Variants in TBX21 observed in about 807,000 individuals in gnomAD.
The protein encoded by TBX21 is T-box transcription factor TBX21.
TBX21 carries 11 observed loss-of-function variants against 52.2 expected under a neutral mutation model. The observed-to-expected ratio is 0.21, with a 90% CI of 0.13 to 0.35. The LOEUF is 0.35. TBX21 is among the 10% of genes least tolerant of loss of function. TBX21 has a pLI of 1.00. For missense variants in TBX21, 625 were observed against 755.1 expected (o/e 0.83, Z 2.02); for synonymous variants, 300 against 316.1 (o/e 0.95, Z 0.54).
Position 47,733,776 on chromosome 17 carries a change from T to C in TBX21, c.322T>C (p.Tyr108His). 6.5e-7 allele frequency: 1 copy of C among 1,538,080 alleles called. No individual in the cohort carries two copies. Among genetic ancestry groups the C allele is most frequent in the Non-Finnish European group, 8.7e-7 (1 of 1,143,160 alleles). The change falls in exon 1 of 6, where the codon TAC becomes CAC. Residue 108 changes from tyrosine (Y) to histidine (H), a missense_variant. This residue lies in a region of TBX21 where 221 missense variants were observed against 204.9 expected (regional missense o/e 1.08). Transcript: ENST00000177694. The surrounding 1 kb of genome is among the most constrained non-coding windows in gnomAD (Gnocchi z 6.6). ...CGAGGGCTACCAGCCGGGCGAGGGCTACGCCGCCCCGGACCCGCGCGCCGG... is the reference window on the plus strand; with the variant it reads ...CGAGGGCTACCAGCCGGGCGAGGGCCACGCCGCCCCGGACCCGCGCGCCGG... ...DAEGYQPGEGYAAPDPRAGLY... is the reference protein window; with the variant it reads ...DAEGYQPGEGHAAPDPRAGLY...
Position 47,744,993 on chromosome 17 carries a change from C to T in TBX21, c.1235C>T (p.Ala412Val). The change falls in exon 6 of 6, where the codon GCC (alanine) becomes GTC (valine). Residue 412 changes from alanine to valine, a missense_variant. Physicochemically the swap from Ala to Val is moderately conservative, Grantham distance 64 (BLOSUM62 0). Around this residue, in one of 4 missense-constraint regions of TBX21, gnomAD observed 261 missense variants for 275.1 expected, o/e 0.95. Transcript: ENST00000177694. ...ATGAAGCCTGCATTCTTGCCCTCTG[C>T]CCCTGGGCCCACCATGTCCTACTAC... is the stretch of plus-strand genomic sequence containing the variant. Reference protein sequence around the residue: ...VSMKPAFLPSAPGPTMSYYRG... With the variant: ...VSMKPAFLPSVPGPTMSYYRG... 6.2e-7 allele frequency: 1 copy of T among 1,613,132 alleles called. No individual in the cohort carries two copies. Among genetic ancestry groups the T allele is most frequent in the Non-Finnish European group, 8.5e-7 (1 of 1,180,030 alleles).
In TBX21 at chr17:47,733,483, A is replaced by G; in HGVS notation, c.29A>G (p.Asp10Gly). The change falls in exon 1 of 6, where the codon GAC becomes GGC. Residue 10 changes from aspartate to glycine, a missense_variant. Around this residue, in one of 4 missense-constraint regions of TBX21, gnomAD observed 221 missense variants for 204.9 expected, o/e 1.08. Coordinates refer to ENST00000177694, the MANE Select transcript of TBX21 (RefSeq NM_013351.2). The surrounding 1 kb of genome is among the most constrained non-coding windows in gnomAD (Gnocchi z 6.6). MGIVEPGCG[D>G]MLTGTEPMPG... ...GGCATCGTGGAGCCGGGTTGCGGAG[A>G]CATGCTGACGGGCACCGAGCCGATG... is the stretch of plus-strand genomic sequence containing the variant. The G allele has an allele frequency of 6.7e-7, 1 of 1,492,854 alleles. No homozygotes were observed. The highest frequency in any genetic ancestry group is 8.9e-7 in the Non-Finnish European group (1 of 1,127,388). The allele number at this position is 1,492,854 out of a possible 1,614,324, so 92.5% of individuals were successfully genotyped here. A position where few individuals can be genotyped will look rare whatever the true frequency, so the allele number is the denominator to read the frequency against.
At chr17:47,741,912 C>G (rs546379303) in intron 1 of TBX21, among the ~76,000 whole-genome samples, 1 of 152,132 alleles carries the variant, frequency 6.6e-6, no homozygotes, top group Non-Finnish European at 1.5e-5. Context: ...TTTCAAGCGA[C>G]TCATGTGAGT....
chr17:47,742,991 C>T lies in TBX21; in HGVS notation c.647-80C>T, dbSNP rs557428416. 6.3e-7 allele frequency: 1 copy of T among 1,576,504 alleles called. No homozygotes were observed. The highest frequency in any genetic ancestry group is 1.8e-5 in the Admixed American group (1 of 55,422). On this transcript the variant is annotated intron_variant, in intron 2 of 5. Transcript: ENST00000177694. This position sits in a 1 kb window ranked among gnomAD's most constrained non-coding sequence, Gnocchi z 4.4. ...CCTCCCCCTGTGTCCTTCCTTACGT[C>T]CCTCTCGGGACAGGCAAAGCCCTAC...
chr17:47,743,181 A>G lies in TBX21; in HGVS notation c.757A>G (p.Asn253Asp). Residue 253 changes from asparagine to aspartate, a missense_variant, in exon 3 of 6, where the codon AAT (asparagine) becomes GAT (aspartate). Around this residue, in one of 4 missense-constraint regions of TBX21, gnomAD observed 142 missense variants for 258.5 expected, o/e 0.55. Transcript: ENST00000177694. ...CACAAACAACAAGGGGGCGTCCAAC[A>G]ATGTGACCCAGGTAGGACCTGCTCT... ...KLTNNKGASN[N>D]VTQMIVLQSL... 2 of 1,614,016 alleles carry G rather than the reference A, an allele frequency of 1.2e-6. No homozygotes were observed. The highest frequency in any genetic ancestry group is 2.2e-5 in the South Asian group (2 of 91,076).
rs1395196336 is a variant in TBX21 at position 47,745,525 on chromosome 17, G to C, written c.*159G>C. On this transcript the variant is annotated 3_prime_UTR_variant, in exon 6 of 6. Coordinates refer to ENST00000177694, the MANE Select transcript of TBX21 (RefSeq NM_013351.2). ...AGTGGGGCTCAAGAAGGATTTTGGG[G>C]TTCACCAGATGCTTCCTGGCCCACG... The C allele has an allele frequency of 6.7e-6, 7 of 1,049,134 alleles. No individual in the cohort carries two copies. The highest frequency in any genetic ancestry group is 9.3e-6 in the Non-Finnish European group (7 of 750,744). 65.0% of individuals were successfully genotyped at this position (1,049,134 alleles called of 1,614,324 possible). A position where few individuals can be genotyped will look rare whatever the true frequency, so the allele number is the denominator to read the frequency against.
intron 5 of TBX21, 97 bp downstream of exon 5, chr17:47,744,640 TG>T (rs2032307322): frequency 6.2e-7 from 1 of 1,604,204 alleles, no homozygotes; most frequent in Non-Finnish European, 8.5e-7. Flanking sequence ...ATGCTACAGG[TG>T]GGCAGGCCAG....
rs2032328147 is a variant in TBX21 at position 47,745,831 on chromosome 17, A to G, written c.*465A>G. The G allele has an allele frequency of 6.5e-6, 1 of 154,856 alleles. No homozygotes were observed. 9.6% of individuals were successfully genotyped at this position (154,856 alleles called of 1,614,324 possible). ...GAACAAATACACGTATGTTATAACC[A>G]TCAGCCCGCCAGGGTCAGGGAAAGG... On this transcript the variant is annotated 3_prime_UTR_variant, in exon 6 of 6. Coordinates refer to ENST00000177694, the MANE Select transcript of TBX21 (RefSeq NM_013351.2).
rs138769659 is a variant in TBX21, at chr17:47,743,269, C to T, written c.768+77C>T. 600 of 1,559,268 alleles carry T rather than the reference C, an allele frequency of 3.8e-4. 4 individuals are homozygous for T. Among genetic ancestry groups the T allele is most frequent in the Middle Eastern group, 9.2e-4 (5 of 5,418 alleles). On this transcript the variant is annotated intron_variant, in intron 3 of 5. Coordinates refer to ENST00000177694, the MANE Select transcript of TBX21 (RefSeq NM_013351.2). Reference sequence around the variant, plus strand: ...TGAGACCTCCAAGGCCACAAGGGTCCTGCGGGGCCAGTTTGGTTCATTTTT... The same window carrying T: ...TGAGACCTCCAAGGCCACAAGGGTCTTGCGGGGCCAGTTTGGTTCATTTTT...
intron 1 of TBX21, among the ~76,000 whole-genome samples, chr17:47,737,489 C>G (rs2032219218): frequency 6.6e-6 from 1 of 152,110 alleles, no homozygotes. Flanking sequence ...CCTTGCTATC[C>G]TCACAGTCAT....
rs1246296638 is a variant in TBX21 at position 47,733,752 on chromosome 17, G to A, written c.298G>A (p.Glu100Lys). The A allele has an allele frequency of 1.4e-6, 2 of 1,464,070 alleles. No homozygotes were observed. Among genetic ancestry groups the A allele is most frequent in the Non-Finnish European group, 9.0e-7 (1 of 1,112,574 alleles). 90.7% of individuals were successfully genotyped at this position (1,464,070 alleles called of 1,614,324 possible). ...GTCCTTCCCGCCGCCCGCGGACGCC[G>A]AGGGCTACCAGCCGGGCGAGGGCTA... is the stretch of plus-strand genomic sequence containing the variant. ...GESFPPPADA[E>K]GYQPGEGYAA... Residue 100 changes from glutamate to lysine, a missense_variant, in exon 1 of 6, where the codon GAG becomes AAG. Around this residue, in one of 4 missense-constraint regions of TBX21, gnomAD observed 221 missense variants for 204.9 expected, o/e 1.08. Coordinates refer to ENST00000177694, the MANE Select transcript of TBX21 (RefSeq NM_013351.2). The surrounding 1 kb of genome is among the most constrained non-coding windows in gnomAD (Gnocchi z 6.6).
intron 1 of TBX21, among the ~76,000 whole-genome samples, chr17:47,735,741 T>TC (rs1272530596): frequency 6.6e-6 from 1 of 152,190 alleles, no homozygotes; most frequent in Non-Finnish European, 1.5e-5. Context: ...CCAAGCAGTC[T>TC]CCCCATTTTA....
At position 47,745,392 on chromosome 17, in the gene TBX21, A is replaced by C. The variant is rs2032322504; in HGVS notation, c.*26A>C. The C allele has an allele frequency of 6.4e-7, 1 of 1,562,796 alleles. No homozygotes were observed. Among genetic ancestry groups the C allele is most frequent in the African/African-American group, 1.4e-5 (1 of 73,354 alleles). On this transcript the variant is annotated 3_prime_UTR_variant, in exon 6 of 6. Coordinates refer to ENST00000177694, the MANE Select transcript of TBX21 (RefSeq NM_013351.2). ...GCAGATGACATGATGAAAGGAACAG[A>C]AACAGTGTTATTAGGTTGGAGGACA...
chr17:47,742,553 G>A lies in TBX21; in HGVS notation c.492-57G>A, dbSNP rs2032278385. 3 of 1,523,204 alleles carry A rather than the reference G, an allele frequency of 2.0e-6. No homozygotes were observed. Among genetic ancestry groups the A allele is most frequent in the Non-Finnish European group, 2.7e-6 (3 of 1,130,480 alleles). The allele number at this position is 1,523,204 out of a possible 1,614,324, so 94.4% of individuals were successfully genotyped here. A position where few individuals can be genotyped will look rare whatever the true frequency, so the allele number is the denominator to read the frequency against. On this transcript the variant is annotated intron_variant, in intron 1 of 5. Transcript: ENST00000177694. This position sits in a 1 kb window ranked among gnomAD's most constrained non-coding sequence, Gnocchi z 4.4. ...TGATGCCTGGGCACTGTTGCAGGGG[G>A]GACTGGCTGTCAAGCTGGAGCTGAT...
At chr17:47,744,385 G>T in intron 4 of TBX21, 32 bp downstream of exon 4, 1 of 1,614,070 alleles carries the variant, frequency 6.2e-7, no homozygotes, top group Non-Finnish European at 8.5e-7. Context: ...GTGGGGAGGA[G>T]GGCAGAGTGG....
At position 47,743,142 on chromosome 17, in the gene TBX21, G is replaced by A. The variant is rs751581685; in HGVS notation, c.718G>A (p.Gly240Arg). Residue 240 changes from glycine to arginine, a missense_variant, in exon 3 of 6, where the codon GGG (glycine) becomes AGG (arginine). Around this residue, in one of 4 missense-constraint regions of TBX21, gnomAD observed 142 missense variants for 258.5 expected, o/e 0.55. Transcript: ENST00000177694. ...AHWMRQEVSF[G>R]KLKLTNNKGA... is the part of the protein sequence containing the mutation. ...CTGGATGCGCCAGGAAGTTTCATTT[G>A]GGAAACTAAAGCTCACAAACAACAA... 13 of 1,614,070 alleles carry A rather than the reference G, an allele frequency of 8.1e-6. No individual in the cohort carries two copies. Among genetic ancestry groups the A allele is most frequent in the Non-Finnish European group, 1.1e-5 (13 of 1,180,028 alleles).
intron 1 of TBX21, among the ~76,000 whole-genome samples, chr17:47,739,892 G>C (rs964905013): frequency 6.6e-6 from 1 of 151,452 alleles, no homozygotes; most frequent in African/African-American, 2.4e-5. Flanking sequence ...GGGACAGAGC[G>C]AGACTCTGTC....
At position 47,744,217 on chromosome 17, in the gene TBX21, A is replaced by G. The variant is rs1303543856; in HGVS notation, c.791A>G (p.His264Arg). ...VTQMIVLQSL[H>R]KYQPRLHIVE... ...CAGATGATTGTGCTCCAGTCCCTCC[A>G]TAAGTACCAGCCCCGGCTGCATATC... Residue 264 changes from histidine to arginine, a missense_variant, in exon 4 of 6, where the codon CAT (histidine) becomes CGT (arginine). This residue lies in a region of TBX21 where 142 missense variants were observed against 258.5 expected (regional missense o/e 0.55). Transcript: ENST00000177694. The G allele has an allele frequency of 1.9e-6, 3 of 1,614,078 alleles. No individual in the cohort carries two copies. The highest frequency in any genetic ancestry group is 4.5e-5 in the East Asian group (2 of 44,888).
In TBX21 at chr17:47,745,603, C is replaced by A. The variant is rs575155161; in HGVS notation, c.*237C>A. The A allele has an allele frequency of 2.1e-6, 1 of 475,722 alleles. No homozygotes were observed. Among genetic ancestry groups the A allele is most frequent in the East Asian group, 3.5e-5 (1 of 28,752 alleles). 29.5% of individuals were successfully genotyped at this position (475,722 alleles called of 1,614,324 possible). ...CCCCATCCTCTGCCCTAACTACAGTCGTTTACCTGGTGCTGCGTCTTGCTT... is the reference window on the plus strand; with the variant it reads ...CCCCATCCTCTGCCCTAACTACAGTAGTTTACCTGGTGCTGCGTCTTGCTT... On this transcript the variant is annotated 3_prime_UTR_variant, in exon 6 of 6. Transcript: ENST00000177694.
Sources: gnomAD v4.1 joint callset for allele counts (sites outside exome capture counted in the v4.1 genomes callset) on GRCh38, gnomAD v4.1.1 for gene constraint, gnomAD v4.1.1 regional missense constraint, Gnocchi (gnomAD v3.1) non-coding constraint, MANE v1.5 for transcripts, NCBI Gene and HGNC (gene_info 2026-07-23, HGNC 2026-07-21) for gene names.